Variants in HS3ST4 observed in about 807,000 individuals in gnomAD.
HS3ST4 encodes the protein heparan sulfate-glucosamine 3-sulfotransferase 4, also known as heparan sulfate glucosamine 3-O-sulfotransferase 4.
Under a neutral mutation model 29.2 loss-of-function variants are expected in HS3ST4, and 17 were observed. That is an observed-to-expected ratio of 0.58 (90% CI 0.40 to 0.87). The LOEUF (loss-of-function observed/expected upper bound fraction) is 0.87, where lower values mean the gene tolerates loss of function less well. Among genes scored for constraint, HS3ST4 ranks in the 40% least tolerant of loss-of-function variants. The probability of loss-of-function intolerance (pLI) is 0.00; values close to 1 mark genes in which losing one functional copy is unlikely to be tolerated. For synonymous variants in HS3ST4, 314 were observed against 285.7 expected (o/e 1.10, Z -1.00); for missense variants, 627 against 634.5 (o/e 0.99, Z 0.13).
chr16:25,724,571 C>T (rs1784194535), intron 1 of HS3ST4, among the ~76,000 whole-genome samples: 1 of 152,058 alleles, frequency 6.6e-6, no homozygotes, highest in Non-Finnish European at 1.5e-5. Context: ...ACTGTGTTGG[C>T]CAGGCTAGTC....
chr16:25,898,031 G>A (rs1392259254), intron 1 of HS3ST4, among the ~76,000 whole-genome samples: 12 of 152,222 alleles, frequency 7.9e-5, no homozygotes, highest in Non-Finnish European at 1.5e-5. Flanking sequence ...GTGGGTCACA[G>A]TGAGCCGCCT....
intron 1 of HS3ST4, among the ~76,000 whole-genome samples, chr16:25,809,501 G>T (rs1214100655): frequency 5.3e-5 from 8 of 151,990 alleles, no homozygotes; most frequent in Admixed American, 1.3e-4. Context: ...TCTTCATCTG[G>T]TTTTTGTAAC....
At chr16:26,121,666 C>G (rs1899278627) in intron 1 of HS3ST4, among the ~76,000 whole-genome samples, 2 of 152,288 alleles carry the variant, frequency 1.3e-5, no homozygotes, top group South Asian at 4.1e-4. Flanking sequence ...GGAGCGCAGG[C>G]TTCCCGAGAG....
At position 25,902,863 on chromosome 16, in the gene HS3ST4, T is replaced by C. The variant is rs987537368; in HGVS notation, c.734+209712T>C. On this transcript the variant is annotated intron_variant, in intron 1 of 1. Coordinates refer to ENST00000331351, the MANE Select transcript of HS3ST4 (RefSeq NM_006040.3). ...CTGCAATTCCAGCACCTTAGGAGGCTGACGCAGATGGATTGCTCGAGCCCA... is the reference window on the plus strand; with the variant it reads ...CTGCAATTCCAGCACCTTAGGAGGCCGACGCAGATGGATTGCTCGAGCCCA... Among the ~76,000 whole-genome samples the C allele has an allele frequency of 2.0e-5, 3 of 151,998 alleles. No individual in the cohort carries two copies. In the East Asian group the frequency reaches 5.8e-4, roughly 29 times the overall value.
intron 1 of HS3ST4, among the ~76,000 whole-genome samples, chr16:26,034,077 A>G (rs925604698): frequency 6.6e-6 from 1 of 152,190 alleles, no homozygotes; most frequent in African/African-American, 2.4e-5. Context: ...GTGTACTGCA[A>G]TAAATGAGAG....
chr16:26,070,702 A>G (rs1007444973), intron 1 of HS3ST4, among the ~76,000 whole-genome samples: 6 of 152,176 alleles, frequency 3.9e-5, no homozygotes, highest in Non-Finnish European at 7.3e-5. Flanking sequence ...CTATTGAAAC[A>G]ACTCCATTTT....
chr16:26,039,849 G>T (rs62034512), intron 1 of HS3ST4, among the ~76,000 whole-genome samples: 2 of 151,824 alleles, frequency 1.3e-5, no homozygotes, highest in Admixed American at 1.3e-4. Flanking sequence ...AAAAACTTCC[G>T]CATTGAATTA....
At chr16:25,844,735 A>G (rs748994496) in intron 1 of HS3ST4, among the ~76,000 whole-genome samples, 1 of 152,252 alleles carries the variant, frequency 6.6e-6, no homozygotes, top group Non-Finnish European at 1.5e-5. Context: ...TCATTCTATT[A>G]CAAAGATGCA....
chr16:25,754,526 C>T (rs1966743465), intron 1 of HS3ST4, among the ~76,000 whole-genome samples: 1 of 151,800 alleles, frequency 6.6e-6, no homozygotes, highest in Non-Finnish European at 1.5e-5. Context: ...AAAGACATAC[C>T]CAAGACTCGG....
At chr16:25,721,610 G>C (rs562393925) in intron 1 of HS3ST4, among the ~76,000 whole-genome samples, 3 of 152,162 alleles carry the variant, frequency 2.0e-5, no homozygotes, top group African/African-American at 7.2e-5. Context: ...GCCCGTCAGC[G>C]TATTTATGCA....
intron 1 of HS3ST4, among the ~76,000 whole-genome samples, chr16:25,718,249 G>C: frequency 6.6e-6 from 1 of 152,188 alleles, no homozygotes; most frequent in East Asian, 1.9e-4. Context: ...AAGCCCTGCT[G>C]ACCTGGCTGT....
At chr16:26,049,387 G>A (rs936928330) in intron 1 of HS3ST4, among the ~76,000 whole-genome samples, 13 of 150,004 alleles carry the variant, frequency 8.7e-5, no homozygotes, top group East Asian at 5.9e-4. Flanking sequence ...GTCTACATCC[G>A]GAGGTCTACA....
intron 1 of HS3ST4, among the ~76,000 whole-genome samples, chr16:25,813,706 A>G (rs1363246418): frequency 6.6e-6 from 1 of 152,194 alleles, no homozygotes; most frequent in Non-Finnish European, 1.5e-5. Context: ...CATTAACCCA[A>G]TGACCCAGAA....
At chr16:25,954,119 G>A (rs7192434) in intron 1 of HS3ST4, among the ~76,000 whole-genome samples, 38,072 of 152,152 alleles carry the variant, frequency 0.25, 5,165 homozygotes, top group East Asian at 0.39. Flanking sequence ...AGCATGCAGA[G>A]CAAAATGAAA....
chr16:25,866,621 CA>C (rs959417190), intron 1 of HS3ST4, among the ~76,000 whole-genome samples: 7 of 152,034 alleles, frequency 4.6e-5, no homozygotes, highest in African/African-American at 1.7e-4. Flanking sequence ...CACATGGACA[CA>C]AGGAGGGGAA....
chr16:25,954,859 C>T (rs1232780111), intron 1 of HS3ST4, among the ~76,000 whole-genome samples: 2 of 152,186 alleles, frequency 1.3e-5, no homozygotes, highest in African/African-American at 4.8e-5. Flanking sequence ...ATAAGAGATT[C>T]TCAACCTGTC....
chr16:25,899,618 G>A (rs1220753110), intron 1 of HS3ST4, among the ~76,000 whole-genome samples: 1 of 151,786 alleles, frequency 6.6e-6, no homozygotes, highest in Non-Finnish European at 1.5e-5. Context: ...CAATTTTCCT[G>A]TGTCAGCCTC....
chr16:25,831,533 A>G (rs181395483), intron 1 of HS3ST4, among the ~76,000 whole-genome samples: 1 of 152,054 alleles, frequency 6.6e-6, no homozygotes, highest in East Asian at 1.9e-4. Context: ...TGAGGCTGCA[A>G]TGAACTATGA....
chr16:26,081,453 C>A (rs1898722928), intron 1 of HS3ST4, among the ~76,000 whole-genome samples: 1 of 152,158 alleles, frequency 6.6e-6, no homozygotes. Flanking sequence ...CTGTGAGGTG[C>A]TGAAGAGTCA....
Sources: allele counts gnomAD v4.1 joint callset (sites outside exome capture counted in the v4.1 genomes callset), GRCh38; gene constraint gnomAD v4.1.1; transcripts MANE v1.5; gene names NCBI Gene and HGNC (gene_info 2026-07-23, HGNC 2026-07-21).